PITHD1: variants seen among roughly 807,000 people sequenced by gnomAD.
PITHD1 encodes PITH domain containing 1, also known as PITH domain-containing protein 1.
PITHD1 carries 8 observed loss-of-function variants against 27.5 expected under a neutral mutation model. The ratio of observed to expected loss-of-function variants is 0.29; its 90% CI spans 0.17 to 0.52. PITHD1 has a LOEUF of 0.52. Among genes scored for constraint, PITHD1 ranks in the 20% least tolerant of loss-of-function variants. The pLI is 0.96. For missense variants in PITHD1, 233 were observed against 283.9 expected (o/e 0.82, Z 1.29); for synonymous variants, 118 against 106.8 (o/e 1.10, Z -0.64).
At position 23,778,443 on chromosome 1, in the gene PITHD1, G is replaced by A. The variant is rs952239465; in HGVS notation, c.-73G>A. On this transcript the variant is annotated 5_prime_UTR_variant, in exon 1 of 6. Coordinates refer to ENST00000246151, the MANE Select transcript of PITHD1 (RefSeq NM_020362.5). ...AGTTGCCGGAGCTGAACGGCGCGGA[G>A]CTGGTCTGAGGCGAGCCGAGCCGAG... 1.5e-4 allele frequency: 167 copies of A among 1,105,808 alleles called. No homozygotes were observed. The highest frequency in any genetic ancestry group is 1.9e-4 in the Non-Finnish European group (160 of 858,474). The allele number at this position is 1,105,808 out of a possible 1,614,324, so 68.5% of individuals were successfully genotyped here. A position where few individuals can be genotyped will look rare whatever the true frequency, so the allele number is the denominator to read the frequency against.
intron 1 of PITHD1, among the ~76,000 whole-genome samples, chr1:23,779,049 T>A (rs1188649007): frequency 6.6e-6 from 1 of 152,132 alleles, no homozygotes. Flanking sequence ...AAGATGAGCC[T>A]AGGGAGATGA....
rs2148402005 is a variant in PITHD1 at position 23,785,712 on chromosome 1, G to A, written c.358G>A (p.Glu120Lys). The A allele has an allele frequency of 6.2e-7, 1 of 1,610,410 alleles. No individual in the cohort carries two copies. Among genetic ancestry groups the A allele is most frequent in the Middle Eastern group, 1.7e-4 (1 of 6,056 alleles). ...TCCACAGATGTCCTTTGATGATACA[G>A]AAAGGGAGCCAGATCAGACCTTTAG... ...NIPQMSFDDT[E>K]REPDQTFSLN... Residue 120 changes from glutamate to lysine, a missense_variant, in exon 4 of 6, where the codon GAA (glutamate) becomes AAA (lysine). Glu to Lys is a moderately conservative substitution (Grantham distance 56). Transcript: ENST00000246151.
At chr1:23,786,526 C>T in intron 5 of PITHD1, 103 bp downstream of exon 5, 1 of 431,820 alleles carries the variant, frequency 2.3e-6, no homozygotes, top group Non-Finnish European at 4.3e-6. Flanking sequence ...CATAATTACT[C>T]CCAGTTTATT....
intron 3 of PITHD1, among the ~76,000 whole-genome samples, chr1:23,784,497 C>T (rs939250530): frequency 3.9e-4 from 60 of 152,076 alleles, no homozygotes; most frequent in Non-Finnish European, 7.2e-4. Flanking sequence ...GCCTCGGCCT[C>T]CCAAAGTGCT....
intron 3 of PITHD1, among the ~76,000 whole-genome samples, chr1:23,782,024 C>T (rs1354858434): frequency 6.6e-6 from 1 of 152,120 alleles, no homozygotes; most frequent in African/African-American, 2.4e-5. Flanking sequence ...AGAAAAAATG[C>T]TATTGAACTA....
In PITHD1 at chr1:23,778,673, G is replaced by A. The variant is rs1163481513; in HGVS notation, c.158G>A (p.Gly53Asp). ...LNESREGSGR[G>D]VFKPWEERTD... Reference sequence around the variant, plus strand: ...GAGAGCCGCGAGGGCAGCGGCCGCGGCGTCTTCAAGCCGTGGGAGGAGCGG... The same window carrying A: ...GAGAGCCGCGAGGGCAGCGGCCGCGACGTCTTCAAGCCGTGGGAGGAGCGG... Residue 53 changes from glycine (G) to aspartate (D), a missense_variant, in exon 1 of 6, where the codon GGC becomes GAC. Gly to Asp is a moderately conservative substitution (Grantham distance 94). Coordinates refer to ENST00000246151, the MANE Select transcript of PITHD1 (RefSeq NM_020362.5). 1 of 1,317,886 alleles carries A rather than the reference G, an allele frequency of 7.6e-7. No individual in the cohort carries two copies. The highest frequency in any genetic ancestry group is 2.2e-5 in the South Asian group (1 of 45,078). The allele number at this position is 1,317,886 out of a possible 1,614,324, so 81.6% of individuals were successfully genotyped here.
chr1:23,782,517 C>T (rs116227140), intron 3 of PITHD1, among the ~76,000 whole-genome samples: 2,258 of 151,864 alleles, frequency 0.015, 48 homozygotes, highest in African/African-American at 0.052. Context: ...ATCACTTGAG[C>T]CTAGGAATTA....
At position 23,778,670 on chromosome 1, in the gene PITHD1, G is replaced by A; in HGVS notation, c.155G>A (p.Arg52His). 1 of 1,320,630 alleles carries A rather than the reference G, an allele frequency of 7.6e-7. No homozygotes were observed. The allele number at this position is 1,320,630 out of a possible 1,614,324, so 81.8% of individuals were successfully genotyped here. A position where few individuals can be genotyped will look rare whatever the true frequency, so the allele number is the denominator to read the frequency against. ...CLNESREGSG[R>H]GVFKPWEERT... Reference sequence around the variant, plus strand: ...AACGAGAGCCGCGAGGGCAGCGGCCGCGGCGTCTTCAAGCCGTGGGAGGAG... The same window carrying A: ...AACGAGAGCCGCGAGGGCAGCGGCCACGGCGTCTTCAAGCCGTGGGAGGAG... Residue 52 changes from arginine (R) to histidine (H), a missense_variant, in exon 1 of 6, where the codon CGC becomes CAC. Physicochemically the swap from Arg to His is conservative, Grantham distance 29. Transcript: ENST00000246151.
At chr1:23,779,381 T>G in intron 1 of PITHD1, 57 bp from the exon 2 acceptor site, 2 of 1,379,744 alleles carry the variant, frequency 1.4e-6, no homozygotes, top group Non-Finnish European at 2.1e-6. Flanking sequence ...TGCCTGAAAT[T>G]GTAGGCTCTC....
chr1:23,786,538 T>A, intron 5 of PITHD1, 115 bp downstream of exon 5: 1 of 387,330 alleles, frequency 2.6e-6, no homozygotes, highest in Non-Finnish European at 4.8e-6. Flanking sequence ...CAGTTTATTA[T>A]TTTTCTTGGT....
At chr1:23,780,832 G>A (rs1233581416) in intron 3 of PITHD1, among the ~76,000 whole-genome samples, 1 of 151,542 alleles carries the variant, frequency 6.6e-6, no homozygotes, top group Non-Finnish European at 1.5e-5. Context: ...CCGAGATCTC[G>A]CCACTGCACT....
chr1:23,780,154 G>A (rs1483006405), intron 3 of PITHD1, among the ~76,000 whole-genome samples: 4 of 152,174 alleles, frequency 2.6e-5, no homozygotes, highest in African/African-American at 9.7e-5. Flanking sequence ...CCAACAGCGT[G>A]TCTCATATTT....
chr1:23,784,234 C>CTTTTTTTTT (rs774484769), intron 3 of PITHD1, among the ~76,000 whole-genome samples: 9 of 81,438 alleles, frequency 1.1e-4, no homozygotes, highest in Admixed American at 1.8e-4. Flanking sequence ...CATTTGCTTT[C>CTTTTTTTTT]TTTTTTTTTT....
At chr1:23,780,656 C>T (rs1320960713) in intron 3 of PITHD1, among the ~76,000 whole-genome samples, 1 of 150,906 alleles carries the variant, frequency 6.6e-6, no homozygotes, top group Non-Finnish European at 1.5e-5. Flanking sequence ...CTGAGGCGGG[C>T]GGATCACCTG....
intron 3 of PITHD1, 58 bp downstream of exon 3, chr1:23,779,999 AT>A: frequency 9.4e-7 from 1 of 1,063,560 alleles, no homozygotes; most frequent in African/African-American, 1.7e-5. Context: ...TTCTGGTAAC[AT>A]TTTATTCCAG....
chr1:23,783,410 C>G (rs1019246942), intron 3 of PITHD1, among the ~76,000 whole-genome samples: 1 of 138,494 alleles, frequency 7.2e-6, no homozygotes, highest in Non-Finnish European at 1.5e-5. Flanking sequence ...CATATATACA[C>G]ATATATATGC....
rs754440327 is a variant in PITHD1, at chr1:23,787,254, C to T, written c.535-21C>T. ...ACAGTTCTTTTAATGGCTGGCTGAC[C>T]CAGCCTCAATTTTCTTGCAGCTTCG... On this transcript the variant is annotated intron_variant, in intron 5 of 5. Transcript: ENST00000246151. The T allele has an allele frequency of 1.1e-5, 17 of 1,587,182 alleles. No individual in the cohort carries two copies. In the East Asian group the frequency reaches 3.8e-4, roughly 35 times the overall value.
intron 3 of PITHD1, 23 bp downstream of exon 3, chr1:23,779,964 C>T: frequency 1.4e-6 from 2 of 1,393,016 alleles, no homozygotes; most frequent in African/African-American, 1.4e-5. Context: ...GGCTTAGGCC[C>T]TCAAAGGAGC....
chr1:23,779,349 A>G, intron 1 of PITHD1, 89 bp from the exon 2 acceptor site: 2 of 959,152 alleles, frequency 2.1e-6, no homozygotes, highest in Non-Finnish European at 1.7e-6. Flanking sequence ...ATTGCACCCC[A>G]GTTGTAGAGC....
Sources: gnomAD v4.1 joint callset for allele counts (sites outside exome capture counted in the v4.1 genomes callset) on GRCh38, gnomAD v4.1.1 for gene constraint, MANE v1.5 for transcripts, NCBI Gene and HGNC (gene_info 2026-07-23, HGNC 2026-07-21) for gene names.